CAMKMT: variants seen among roughly 807,000 people sequenced by gnomAD.
The protein encoded by CAMKMT is calmodulin-lysine N-methyltransferase.
Under a neutral mutation model 48.0 loss-of-function variants are expected in CAMKMT, and 53 were observed. The ratio of observed to expected loss-of-function variants is 1.10; its 90% CI spans 0.89 to 1.39. The LOEUF (loss-of-function observed/expected upper bound fraction) is 1.39. Ranked by LOEUF, CAMKMT falls within the 40% of genes most tolerant of loss-of-function variation. The pLI, the probability that CAMKMT is intolerant of heterozygous loss-of-function variation, is 0.00. For missense variants in CAMKMT, 428 were observed against 402.7 expected (o/e 1.06, Z -0.54); for synonymous variants, 165 against 152.3 (o/e 1.08, Z -0.61).
At chr2:44,751,683 C>G (rs986088935) in intron 8 of CAMKMT, among the ~76,000 whole-genome samples, 3 of 152,200 alleles carry the variant, frequency 2.0e-5, no homozygotes, top group Non-Finnish European at 2.9e-5. Context: ...CATAGTGCCC[C>G]CTTCTTCCTT....
At chr2:44,654,668 A>G (rs1674271705) in intron 3 of CAMKMT, among the ~76,000 whole-genome samples, 1 of 152,110 alleles carries the variant, frequency 6.6e-6, no homozygotes, top group African/African-American at 2.4e-5. Flanking sequence ...GTGTGTCACC[A>G]TGCCTGGCGA....
intron 3 of CAMKMT, among the ~76,000 whole-genome samples, chr2:44,574,813 T>G (rs1253136995): frequency 6.6e-6 from 1 of 152,102 alleles, no homozygotes; most frequent in East Asian, 1.9e-4. Flanking sequence ...CGGTCTCGGC[T>G]CACAGCAACC....
At chr2:44,406,932 ATTC>A (rs1003800681) in intron 3 of CAMKMT, among the ~76,000 whole-genome samples, 3 of 152,268 alleles carry the variant, frequency 2.0e-5, no homozygotes, top group Admixed American at 6.5e-5. Flanking sequence ...TATCTATGCT[ATTC>A]TTTATAATTT....
intron 3 of CAMKMT, among the ~76,000 whole-genome samples, chr2:44,556,884 C>T (rs181341731): frequency 1.3e-5 from 2 of 152,042 alleles, no homozygotes; most frequent in Admixed American, 1.3e-4. Context: ...TTGAGACCAG[C>T]CTGGCAAGAT....
chr2:44,423,752 A>G (rs115165089), intron 3 of CAMKMT, among the ~76,000 whole-genome samples: 2 of 152,338 alleles, frequency 1.3e-5, no homozygotes, highest in Non-Finnish European at 2.9e-5. Context: ...TAAAATATAC[A>G]TACAGTTAAA....
intron 3 of CAMKMT, among the ~76,000 whole-genome samples, chr2:44,698,838 G>A (rs1011454151): frequency 1.3e-5 from 2 of 152,200 alleles, no homozygotes; most frequent in African/African-American, 4.8e-5. Context: ...CGAAATTGGA[G>A]TCAATCCTCT....
At chr2:44,500,470 T>G (rs1669952298) in intron 3 of CAMKMT, among the ~76,000 whole-genome samples, 1 of 152,138 alleles carries the variant, frequency 6.6e-6, no homozygotes, top group African/African-American at 2.4e-5. Context: ...TCATCTAGTT[T>G]ATAAGATTAA....
intron 7 of CAMKMT, among the ~76,000 whole-genome samples, chr2:44,726,986 T>A (rs371230270): frequency 2.3e-4 from 35 of 152,216 alleles, no homozygotes; most frequent in African/African-American, 6.8e-4. Flanking sequence ...TGTGTCTATT[T>A]TTATACCAGT....
At position 44,604,325 on chromosome 2, in the gene CAMKMT, T is replaced by C. The variant is rs970986976; in HGVS notation, c.377-99958T>C. 7.2e-5 allele frequency among the ~76,000 whole-genome samples: 11 copies of C among 152,204 alleles called. 1 individual carries two copies. ...GCTAAATATTTCCCTACTGAGTTCA[T>C]AACTAAGATTGCCAAAGTGCTTGTT... is the stretch of plus-strand genomic sequence containing the variant. On this transcript the variant is annotated intron_variant, in intron 3 of 10. Transcript: ENST00000378494.
At chr2:44,671,246 T>C (rs1216989246) in intron 3 of CAMKMT, among the ~76,000 whole-genome samples, 3 of 152,128 alleles carry the variant, frequency 2.0e-5, no homozygotes, top group African/African-American at 7.2e-5. Context: ...TCCTTCAAAA[T>C]TGCACTTCAG....
chr2:44,455,299 C>T (rs1360750059), intron 3 of CAMKMT, among the ~76,000 whole-genome samples: 1 of 151,914 alleles, frequency 6.6e-6, no homozygotes, highest in Admixed American at 6.6e-5. Context: ...AAAGAAGTCA[C>T]CAGCGATTCC....
At chr2:44,512,279 C>T (rs1670602798) in intron 3 of CAMKMT, among the ~76,000 whole-genome samples, 1 of 152,166 alleles carries the variant, frequency 6.6e-6, no homozygotes, top group Non-Finnish European at 1.5e-5. Context: ...AATAAGTTCA[C>T]CTTTCTGTTT....
chr2:44,458,817 T>G (rs1331219212), intron 3 of CAMKMT, among the ~76,000 whole-genome samples: 1 of 152,162 alleles, frequency 6.6e-6, no homozygotes, highest in African/African-American at 2.4e-5. Context: ...TTAAAAGTGT[T>G]TTTTTTCTTC....
chr2:44,407,792 G>T (rs1183244294), intron 3 of CAMKMT, among the ~76,000 whole-genome samples: 1 of 152,110 alleles, frequency 6.6e-6, no homozygotes, highest in Non-Finnish European at 1.5e-5. Flanking sequence ...AATTTGATGT[G>T]AAAGTATTTT....
At chr2:44,540,570 G>T (rs4953097) in intron 3 of CAMKMT, among the ~76,000 whole-genome samples, 86,962 of 151,964 alleles carry the variant, frequency 0.57, 25,872 homozygotes, top group South Asian at 0.69. Flanking sequence ...GGGCAACATG[G>T]CAAAACCTCA....
intron 3 of CAMKMT, among the ~76,000 whole-genome samples, chr2:44,441,944 C>G (rs1262046345): frequency 1.3e-5 from 2 of 152,192 alleles, no homozygotes; most frequent in Non-Finnish European, 2.9e-5. Flanking sequence ...CTTTCAGCAC[C>G]TGCGGTATGC....
intron 3 of CAMKMT, among the ~76,000 whole-genome samples, chr2:44,608,104 GCTCCGTCGCCC>G (rs1671394323): frequency 8.8e-6 from 1 of 113,552 alleles, no homozygotes; most frequent in Non-Finnish European, 1.7e-5. Flanking sequence ...ACGGAGTCTT[GCTCCGTCGCCC>G]AGGCTGGAGT....
At chr2:44,510,955 C>G (rs1023209979) in intron 3 of CAMKMT, among the ~76,000 whole-genome samples, 1 of 152,218 alleles carries the variant, frequency 6.6e-6, no homozygotes, top group Non-Finnish European at 1.5e-5. Context: ...ATTCTCCTGC[C>G]TCAGCCTCCC....
intron 3 of CAMKMT, among the ~76,000 whole-genome samples, chr2:44,500,206 TA>T: frequency 6.6e-6 from 1 of 152,300 alleles, no homozygotes; most frequent in East Asian, 1.9e-4. Flanking sequence ...ACTAGGGTTT[TA>T]GAGTATCTAA....
Sources: allele counts gnomAD v4.1 joint callset (sites outside exome capture counted in the v4.1 genomes callset), GRCh38; gene constraint gnomAD v4.1.1; transcripts MANE v1.5; gene names NCBI Gene and HGNC (gene_info 2026-07-23, HGNC 2026-07-21).